FOCAD: variants seen among roughly 807,000 people sequenced by gnomAD.
FOCAD encodes the protein KIAA1797.
Under a neutral mutation model 225.6 loss-of-function variants are expected in FOCAD, and 198 were observed. The observed-to-expected ratio is 0.88, with a 90% CI of 0.78 to 0.99. The LOEUF (loss-of-function observed/expected upper bound fraction) is 0.99, where lower values mean the gene tolerates loss of function less well. Ranked by LOEUF, FOCAD falls within the 50% of genes least tolerant of loss-of-function variation. The pLI is 0.00. For missense variants in FOCAD, 2,713 were observed against 2,123.6 expected, an observed-to-expected ratio of 1.28 and a Z score of -5.46; for synonymous variants, 897 against 755.0, an observed-to-expected ratio of 1.19 and a Z score of -3.08.
At chr9:20,937,279 T>G (rs566305740) in intron 28 of FOCAD, among the ~76,000 whole-genome samples, 2 of 150,598 alleles carry the variant, frequency 1.3e-5, no homozygotes, top group Non-Finnish European at 3.0e-5. Flanking sequence ...AAGTCAATCC[T>G]AAGCCAAAAG....
At chr9:20,875,705 A>G (rs920889392) in intron 19 of FOCAD, 4 of 152,192 alleles carry the variant, frequency 2.6e-5, no homozygotes, top group Non-Finnish European at 5.9e-5. Flanking sequence ...GCCCTACCCA[A>G]GAAATGGTAG....
intron 43 of FOCAD, 76 bp downstream of exon 43, chr9:20,993,404 G>C: frequency 8.1e-7 from 1 of 1,227,284 alleles, no homozygotes; most frequent in Non-Finnish European, 1.2e-6. Flanking sequence ...TGGCATTCTA[G>C]TGGTTGCAGG....
At chr9:20,810,394 G>C (rs764885711) in intron 11 of FOCAD, among the ~76,000 whole-genome samples, 8 of 152,170 alleles carry the variant, frequency 5.3e-5, no homozygotes, top group Non-Finnish European at 1.0e-4. Flanking sequence ...GACAGACATA[G>C]TAGTAGAAAT....
intron 11 of FOCAD, among the ~76,000 whole-genome samples, chr9:20,798,271 G>T (rs547466216): frequency 1.3e-5 from 2 of 152,236 alleles, no homozygotes; most frequent in South Asian, 2.1e-4. Flanking sequence ...GAATATTTTT[G>T]CATGGATGTT....
intron 41 of FOCAD, 74 bp from the exon 42 acceptor site, chr9:20,990,049 G>T: frequency 2.6e-6 from 4 of 1,564,610 alleles, no homozygotes; most frequent in Non-Finnish European, 3.5e-6. Flanking sequence ...CACGACAGGG[G>T]CTGTGTATGT....
At chr9:20,707,204 C>T (rs536038856) in intron 1 of FOCAD, among the ~76,000 whole-genome samples, 53 of 152,294 alleles carry the variant, frequency 3.5e-4, no homozygotes, top group Admixed American at 2.4e-3. Flanking sequence ...GGCTCTGTCA[C>T]ACCACTGAGT....
At chr9:20,715,662 T>G (rs193053453) in intron 2 of FOCAD, among the ~76,000 whole-genome samples, 33 of 152,210 alleles carry the variant, frequency 2.2e-4, no homozygotes, top group African/African-American at 6.3e-4. Context: ...AAACCTTGAT[T>G]AACTAGTAGG....
intron 3 of FOCAD, among the ~76,000 whole-genome samples, chr9:20,719,996 G>A (rs1245179218): frequency 6.6e-6 from 1 of 152,044 alleles, no homozygotes. Flanking sequence ...GAAGGCTTAT[G>A]GCATAAATAG....
chr9:20,696,858 G>A (rs912228581), intron 1 of FOCAD, among the ~76,000 whole-genome samples: 1 of 152,028 alleles, frequency 6.6e-6, no homozygotes, highest in African/African-American at 2.4e-5. Flanking sequence ...ATTAAGAGGT[G>A]GAATTGTTAA....
intron 21 of FOCAD, among the ~76,000 whole-genome samples, chr9:20,896,702 G>A (rs982990060): frequency 6.6e-6 from 1 of 151,806 alleles, no homozygotes; most frequent in African/African-American, 2.4e-5. Context: ...CAGAGAGTCT[G>A]TAGTGATATC....
intron 6 of FOCAD, among the ~76,000 whole-genome samples, chr9:20,763,093 C>T (rs1042714347): frequency 6.6e-6 from 1 of 152,052 alleles, no homozygotes; most frequent in African/African-American, 2.4e-5. Context: ...TCTAATCATT[C>T]CTTATATATA....
At chr9:20,749,858 AC>A (rs1388632923) in intron 5 of FOCAD, among the ~76,000 whole-genome samples, 1 of 151,996 alleles carries the variant, frequency 6.6e-6, no homozygotes, top group African/African-American at 2.4e-5. Context: ...ATTTTTTTTA[AC>A]CCCCTCATTT....
chr9:20,988,522 C>T, intron 41 of FOCAD, 93 bp downstream of exon 41: 2 of 228,338 alleles, frequency 8.8e-6, no homozygotes, highest in Non-Finnish European at 9.5e-6. Flanking sequence ...CATTAATTGG[C>T]AAAAACTGCA....
At chr9:20,935,674 C>T (rs1158928448) in intron 28 of FOCAD, among the ~76,000 whole-genome samples, 1 of 152,192 alleles carries the variant, frequency 6.6e-6, no homozygotes, top group Non-Finnish European at 1.5e-5. Flanking sequence ...GCTGGGATTA[C>T]AGGCGTGAGC....
intron 1 of FOCAD, among the ~76,000 whole-genome samples, chr9:20,685,393 A>AGG (rs1229368210): frequency 6.6e-6 from 1 of 152,188 alleles, no homozygotes; most frequent in Admixed American, 6.5e-5. Context: ...CTGTGTTAAC[A>AGG]GGAAGTAACT....
At chr9:20,722,817 T>A (rs7028849) in intron 4 of FOCAD, among the ~76,000 whole-genome samples, 1 of 152,188 alleles carries the variant, frequency 6.6e-6, no homozygotes, top group Non-Finnish European at 1.5e-5. Context: ...CCTTTTTTAT[T>A]TGTGAAATGC....
At chr9:20,800,733 C>G (rs1466263161) in intron 11 of FOCAD, among the ~76,000 whole-genome samples, 1 of 152,088 alleles carries the variant, frequency 6.6e-6, no homozygotes, top group Admixed American at 6.6e-5. Flanking sequence ...TTTGGTTATT[C>G]TGGTTAGCCA....
At chr9:20,670,749 G>C (rs1822041323) in intron 2 of FOCAD, among the ~76,000 whole-genome samples, 1 of 144,752 alleles carries the variant, frequency 6.9e-6, no homozygotes, top group South Asian at 2.1e-4. Flanking sequence ...CGGAAGCTTA[G>C]AGAGTTAATT....
At chr9:20,712,625 A>T (rs1824949517) in intron 1 of FOCAD, among the ~76,000 whole-genome samples, 2 of 151,192 alleles carry the variant, frequency 1.3e-5, no homozygotes, top group Non-Finnish European at 1.5e-5. Flanking sequence ...GCACCACTGC[A>T]CTCCAGCCTG....
Sources: gnomAD v4.1 joint callset for allele counts (sites outside exome capture counted in the v4.1 genomes callset) on GRCh38, gnomAD v4.1.1 for gene constraint, MANE v1.5 for transcripts, NCBI Gene and HGNC (gene_info 2026-07-23, HGNC 2026-07-21) for gene names.